IL1RAPL2: variants seen among roughly 807,000 people sequenced by gnomAD.
IL1RAPL2 encodes interleukin 1 receptor accessory protein like 2.
Under a neutral mutation model 44.1 loss-of-function variants are expected in IL1RAPL2, and 3 were observed. That is an observed-to-expected ratio of 0.07 (90% CI 0.03 to 0.18). The LOEUF (loss-of-function observed/expected upper bound fraction) is 0.18, where lower values mean the gene tolerates loss of function less well. IL1RAPL2 is among the 10% of genes least tolerant of loss of function. IL1RAPL2 has a pLI of 1.00. For missense variants in IL1RAPL2, 391 were observed against 496.4 expected (o/e 0.79, Z 2.02); for synonymous variants, 181 against 178.8 (o/e 1.01, Z -0.10).
chrX:105,254,912 G>A (rs1254213688), intron 4 of IL1RAPL2, among the ~76,000 whole-genome samples: 1 of 111,466 alleles, frequency 9.0e-6, no homozygotes, highest in Non-Finnish European at 1.9e-5. Context: ...ATTAGTCTAT[G>A]TGCCTGTTTT....
At chrX:104,663,831 G>A (rs1930443198) in intron 2 of IL1RAPL2, among the ~76,000 whole-genome samples, 1 of 106,715 alleles carries the variant, frequency 9.4e-6, no homozygotes, top group Non-Finnish European at 1.9e-5. Context: ...TGAGCTGAGT[G>A]AAACACAGTT....
At chrX:105,625,096 T>A (rs1338576920) in intron 6 of IL1RAPL2, among the ~76,000 whole-genome samples, 2 of 112,139 alleles carry the variant, frequency 1.8e-5, no homozygotes, top group African/African-American at 6.5e-5. Context: ...TTTACTAACC[T>A]CAATTCTACA....
intron 10 of IL1RAPL2, among the ~76,000 whole-genome samples, chrX:105,761,779 T>TA (rs1457312511): frequency 8.9e-6 from 1 of 112,289 alleles, no homozygotes; most frequent in Non-Finnish European, 1.9e-5. Flanking sequence ...TGGAAAGTAA[T>TA]AAATTATGCT....
intron 2 of IL1RAPL2, among the ~76,000 whole-genome samples, chrX:105,022,812 G>A (rs2031304519): frequency 9.0e-6 from 1 of 110,773 alleles, no homozygotes; most frequent in South Asian, 3.8e-4. Context: ...ATGGTTAGTG[G>A]GCAAGCAGAT....
Position 104,633,591 on chromosome X carries a change from T to C in IL1RAPL2, c.-19-25304T>C, listed in dbSNP as rs778388616. Among the ~76,000 whole-genome samples the C allele has an allele frequency of 3.1e-3, 344 of 112,076 alleles. 1 individual carries two copies. Among genetic ancestry groups the C allele is most frequent in the Non-Finnish European group, 5.1e-3 (271 of 53,217 alleles). On this transcript the variant is annotated intron_variant, in intron 1 of 10. Transcript: ENST00000372582. ...TTGGGAGGGTATATGTGTCAAGGAA[T>C]TTATCTATTTCTTCTAGATTTTCTA...
At chrX:104,791,985 G>A in intron 2 of IL1RAPL2, among the ~76,000 whole-genome samples, 1 of 111,269 alleles carries the variant, frequency 9.0e-6, no homozygotes, top group African/African-American at 3.3e-5. Flanking sequence ...ATTGTTCTGT[G>A]GATGCTAAGA....
chrX:104,585,355 T>TATA (rs1928528604), intron 1 of IL1RAPL2, among the ~76,000 whole-genome samples: 1 of 20,042 alleles, frequency 5.0e-5, no homozygotes, highest in African/African-American at 4.8e-4. Context: ...ATATATATTA[T>TATA]ATATATTATA....
In IL1RAPL2 at chrX:104,951,910, G is replaced by A. The variant is rs1392851686; in HGVS notation, c.83-243565G>A. 5.4e-5 allele frequency among the ~76,000 whole-genome samples: 6 copies of A among 112,110 alleles called. No homozygotes were observed. In the East Asian group the frequency reaches 1.1e-3, roughly 21 times the overall value. ...GGTTATACAAAGATTTAAAAAAGACGTTATCTGGCATTGATCTTTGAGTGA... is the reference window on the plus strand; with the variant it reads ...GGTTATACAAAGATTTAAAAAAGACATTATCTGGCATTGATCTTTGAGTGA... On this transcript the variant is annotated intron_variant, in intron 2 of 10. Coordinates refer to ENST00000372582, the MANE Select transcript of IL1RAPL2 (RefSeq NM_017416.2).
At chrX:105,172,972 G>A (rs1046414867) in intron 2 of IL1RAPL2, among the ~76,000 whole-genome samples, 1 of 110,801 alleles carries the variant, frequency 9.0e-6, no homozygotes, top group Non-Finnish European at 1.9e-5. Flanking sequence ...GATAGGCGTA[G>A]GGATAAGATG....
At chrX:105,456,926 T>C (rs1338820237) in intron 5 of IL1RAPL2, among the ~76,000 whole-genome samples, 1 of 110,659 alleles carries the variant, frequency 9.0e-6, no homozygotes, top group Non-Finnish European at 1.9e-5. Context: ...TACTTTAAAA[T>C]TGTGTATTCT....
At chrX:105,279,254 T>A (rs1012422998) in intron 5 of IL1RAPL2, among the ~76,000 whole-genome samples, 1 of 111,405 alleles carries the variant, frequency 9.0e-6, no homozygotes, top group African/African-American at 3.3e-5. Flanking sequence ...GTAAGGTATG[T>A]CATTTTAGCC....
intron 2 of IL1RAPL2, among the ~76,000 whole-genome samples, chrX:104,820,633 T>A (rs1921276371): frequency 1.8e-5 from 2 of 111,729 alleles, no homozygotes; most frequent in South Asian, 7.4e-4. Flanking sequence ...TTCATAGCAG[T>A]TGCGGTAGAA....
chrX:104,642,959 G>C (rs187183661), intron 1 of IL1RAPL2, among the ~76,000 whole-genome samples: 1 of 112,149 alleles, frequency 8.9e-6, no homozygotes, highest in East Asian at 2.8e-4. Flanking sequence ...AATAACATCC[G>C]TGTACATGAG....
At chrX:105,524,983 A>G (rs1387278307) in intron 6 of IL1RAPL2, among the ~76,000 whole-genome samples, 1 of 111,577 alleles carries the variant, frequency 9.0e-6, no homozygotes, top group African/African-American at 3.2e-5. Context: ...TAGTATCATG[A>G]GTTTTTTCCT....
intron 6 of IL1RAPL2, among the ~76,000 whole-genome samples, chrX:105,681,578 C>A (rs1245984160): frequency 1.8e-5 from 2 of 111,393 alleles, no homozygotes; most frequent in Admixed American, 1.9e-4. Context: ...GCCAATGTGA[C>A]GAAACCCTGT....
chrX:104,637,109 T>C (rs1253340827), intron 1 of IL1RAPL2, among the ~76,000 whole-genome samples: 1 of 110,903 alleles, frequency 9.0e-6, no homozygotes, highest in Non-Finnish European at 1.9e-5. Context: ...AACTAACATT[T>C]TTGTTTCTTT....
chrX:105,581,832 A>G (rs983410475), intron 6 of IL1RAPL2, among the ~76,000 whole-genome samples: 1 of 111,420 alleles, frequency 9.0e-6, no homozygotes, highest in African/African-American at 3.3e-5. Flanking sequence ...TCCAAGATCT[A>G]GAACATACAT....
chrX:104,697,092 CT>C (rs1327746200), intron 2 of IL1RAPL2, among the ~76,000 whole-genome samples: 1 of 112,504 alleles, frequency 8.9e-6, no homozygotes, highest in Non-Finnish European at 1.9e-5. Flanking sequence ...TGATATGTTG[CT>C]TTTTAATAAT....
chrX:105,279,775 G>A (rs968579394), intron 5 of IL1RAPL2, among the ~76,000 whole-genome samples: 3 of 112,232 alleles, frequency 2.7e-5, no homozygotes, highest in African/African-American at 9.7e-5. Context: ...ACCACGCCTG[G>A]CCCATCTTAG....
Sources: gnomAD v4.1 joint callset for allele counts (sites outside exome capture counted in the v4.1 genomes callset) on GRCh38, gnomAD v4.1.1 for gene constraint, MANE v1.5 for transcripts, NCBI Gene and HGNC (gene_info 2026-07-23, HGNC 2026-07-21) for gene names.